The following NAP1L4 variants were observed in gnomAD, a reference collection of about 807,000 sequenced individuals.
NAP1L4 encodes nucleosome assembly protein 1-like 4.
NAP1L4 carries 15 observed loss-of-function variants against 58.2 expected under a neutral mutation model. The ratio of observed to expected loss-of-function variants is 0.26; its 90% CI spans 0.17 to 0.40. NAP1L4 has a LOEUF of 0.40. NAP1L4 is among the 10% of genes least tolerant of loss of function. The pLI is 1.00. For missense variants in NAP1L4, 384 were observed against 451.1 expected, an observed-to-expected ratio of 0.85 and a Z score of 1.35; for synonymous variants, 171 against 155.6, an observed-to-expected ratio of 1.10 and a Z score of -0.74.
At chr11:2,964,221 A>G (rs1847123920) in intron 8 of NAP1L4, among the ~76,000 whole-genome samples, 1 of 152,132 alleles carries the variant, frequency 6.6e-6, no homozygotes, top group South Asian at 2.1e-4. Context: ...CGTTAAACAT[A>G]TACATTAGAT....
Position 2,958,540 on chromosome 11 carries a change from T to G in NAP1L4, c.751A>C (p.Thr251Pro). ...TTCTTTCCTTTCTTCCAGTCAATAG[T>G]ACACCTACCAGGACAAGACAGCTGT... ...GPEIVDCDGC[T>P]IDWKKGKNVT... The change falls in exon 10 of 16, where the codon ACT becomes CCT. Residue 251 changes from threonine (T) to proline (P), a missense_variant. Physicochemically the swap from Thr to Pro is conservative, Grantham distance 38. This residue lies in a region of NAP1L4 where 296 missense variants were observed against 360.8 expected (regional missense o/e 0.82). Transcript: ENST00000380542. 2 of 1,613,444 alleles carry G rather than the reference T, an allele frequency of 1.2e-6. No homozygotes were observed. The highest frequency in any genetic ancestry group is 1.7e-6 in the Non-Finnish European group (2 of 1,179,788).
rs992706299 is a variant in NAP1L4, at chr11:2,945,496, G to A, written c.*183C>T. On this transcript the variant is annotated 3_prime_UTR_variant, in exon 16 of 16. Transcript: ENST00000380542. The stretch of plus-strand genomic sequence containing the variant: ...AAGTGAAAATCATGCACTTGAAAAC[G>A]AGTTAGATGGAGTAAGCTCTGTCCA... 13 of 873,032 alleles carry A rather than the reference G, an allele frequency of 1.5e-5. No individual in the cohort carries two copies. The highest frequency in any genetic ancestry group is 6.1e-5 in the Admixed American group (2 of 32,844). The allele number at this position is 873,032 out of a possible 1,614,324, so 54.1% of individuals were successfully genotyped here.
rs757879151 is a variant in NAP1L4 at position 2,949,262 on chromosome 11, C to T, written c.1125G>A (p.Val375=). The change falls in exon 15 of 16, where the codon GTG becomes GTA. Residue 375 remains valine (V), a splice_region_variant and synonymous_variant. Transcript: ENST00000380542. This position sits in a 1 kb window ranked among gnomAD's most constrained non-coding sequence, Gnocchi z 4.0. ...DEDDAEINPK[V] The stretch of plus-strand genomic sequence containing the variant: ...ATGAATGATTAACAGACAAAAATTA[C>T]ACCTAAATGGGGAAAAAAATTGAAA... 1.9e-5 allele frequency: 31 copies of T among 1,599,018 alleles called. No individual in the cohort carries two copies. The East Asian group carries it at 6.7e-4, about 35-fold the overall frequency.
chr11:2,960,310 C>T (rs994619263), intron 8 of NAP1L4, among the ~76,000 whole-genome samples: 5 of 152,172 alleles, frequency 3.3e-5, no homozygotes, highest in East Asian at 3.9e-4. Flanking sequence ...CCCCAGCCCC[C>T]ACCCTGCTGG....
At chr11:2,986,626 A>AAT (rs556788048) in intron 1 of NAP1L4, among the ~76,000 whole-genome samples, 1 of 139,726 alleles carries the variant, frequency 7.2e-6, no homozygotes, top group African/African-American at 2.7e-5. Context: ...ATGGTAGTAA[A>AAT]TTTTTTTTTT....
intron 1 of NAP1L4, chr11:2,989,334 A>G (rs753849816): frequency 6.6e-6 from 1 of 152,206 alleles, no homozygotes; most frequent in Non-Finnish European, 1.5e-5. Flanking sequence ...CAACAAGCTC[A>G]TCTCTGCTGT....
chr11:2,983,222 C>T (rs1848430924), intron 1 of NAP1L4, among the ~76,000 whole-genome samples: 1 of 152,160 alleles, frequency 6.6e-6, no homozygotes, highest in Admixed American at 6.5e-5. Context: ...TAATAAATAT[C>T]TGTTGAAAGC....
chr11:2,961,690 T>C (rs544127704), intron 8 of NAP1L4, among the ~76,000 whole-genome samples: 99 of 152,142 alleles, frequency 6.5e-4, no homozygotes, highest in African/African-American at 2.2e-3. Context: ...ACTCATTTTT[T>C]CCCCTCCTTT....
intron 8 of NAP1L4, among the ~76,000 whole-genome samples, chr11:2,964,453 G>A (rs909545876): frequency 2.6e-5 from 4 of 152,158 alleles, no homozygotes; most frequent in Admixed American, 2.6e-4. Context: ...CACGACTACA[G>A]TGCCAAGCAT....
chr11:2,975,073 C>T (rs1429239372), intron 4 of NAP1L4, among the ~76,000 whole-genome samples: 3 of 151,634 alleles, frequency 2.0e-5, no homozygotes, highest in African/African-American at 4.9e-5. Context: ...ACTGGGGAAA[C>T]CAGCTGGAAG....
intron 9 of NAP1L4, chr11:2,958,868 GT>G (rs1846702347): frequency 3.6e-6 from 1 of 276,776 alleles, no homozygotes; most frequent in African/African-American, 2.2e-5. Context: ...ACAAGAACTT[GT>G]CCGCGGTTTC....
chr11:2,971,441 G>C lies in NAP1L4; in HGVS notation c.402+7C>G. ...AGAACATGAGTCACATGTTTCTAAA[G>C]ACTTACAGCCAATTTCTCTTCCTCT... On this transcript the variant is annotated splice_region_variant and intron_variant, in intron 6 of 15. Transcript: ENST00000380542. The surrounding 1 kb of genome is among the most constrained non-coding windows in gnomAD (Gnocchi z 4.2). 1 of 1,612,454 alleles carries C rather than the reference G, an allele frequency of 6.2e-7. No homozygotes were observed. Among genetic ancestry groups the C allele is most frequent in the Non-Finnish European group, 8.5e-7 (1 of 1,179,298 alleles).
chr11:2,965,426 G>C (rs1305238305), intron 7 of NAP1L4, among the ~76,000 whole-genome samples: 3 of 152,184 alleles, frequency 2.0e-5, no homozygotes, highest in South Asian at 2.1e-4. Flanking sequence ...TCTAAACACA[G>C]AGAAGGTACA....
intron 10 of NAP1L4, among the ~76,000 whole-genome samples, chr11:2,958,034 ATGCCAGCTGGTGGAGAAG>A (rs1846646552): frequency 6.6e-6 from 1 of 152,222 alleles, no homozygotes; most frequent in East Asian, 1.9e-4. Context: ...CGGGGCAGAA[ATGCCAGCTGGTGGAGAAG>A]GGTGCTCCAG....
In NAP1L4 at chr11:2,971,454, T is replaced by C; in HGVS notation, c.396A>G (p.Lys132=). The stretch of plus-strand genomic sequence containing the variant: ...CATGTTTCTAAAGACTTACAGCCAA[T>C]TTCTCTTCCTCTTCATTTTCACTGT... ...EWHSENEEEE[K]LAGDMKSKVV... Residue 132 remains lysine, a synonymous_variant, in exon 6 of 16, where the codon AAA becomes AAG. Coordinates refer to ENST00000380542, the MANE Select transcript of NAP1L4 (RefSeq NM_005969.4). This position sits in a 1 kb window ranked among gnomAD's most constrained non-coding sequence, Gnocchi z 4.2. 2 of 1,613,642 alleles carry C rather than the reference T, an allele frequency of 1.2e-6. No homozygotes were observed. Among genetic ancestry groups the C allele is most frequent in the Admixed American group, 1.7e-5 (1 of 60,022 alleles).
intron 7 of NAP1L4, 56 bp downstream of exon 7, chr11:2,969,747 T>A (rs1847521700): frequency 6.4e-7 from 1 of 1,550,846 alleles, no homozygotes. Flanking sequence ...ATGCCATAGA[T>A]AAGTAATGTT....
intron 1 of NAP1L4, among the ~76,000 whole-genome samples, chr11:2,979,771 TAAAA>T (rs57640918): frequency 2.0e-5 from 3 of 146,798 alleles, no homozygotes; most frequent in African/African-American, 7.6e-5. Flanking sequence ...AAACTCCATC[TAAAA>T]AAAAAAATAA....
chr11:2,945,590 G>T lies in NAP1L4; in HGVS notation c.*89C>A, dbSNP rs1428616630. 2 of 1,535,862 alleles carry T rather than the reference G, an allele frequency of 1.3e-6. No homozygotes were observed. The highest frequency in any genetic ancestry group is 1.7e-6 in the Non-Finnish European group (2 of 1,146,704). On this transcript the variant is annotated 3_prime_UTR_variant, in exon 16 of 16. Coordinates refer to ENST00000380542, the MANE Select transcript of NAP1L4 (RefSeq NM_005969.4). ...TGGAGTCCCGACAGCCGGTCTGCCAGGCACCCGCCTCCGCTTCCTACTGCT... is the reference window on the plus strand; with the variant it reads ...TGGAGTCCCGACAGCCGGTCTGCCATGCACCCGCCTCCGCTTCCTACTGCT...
intron 3 of NAP1L4, among the ~76,000 whole-genome samples, chr11:2,976,801 G>C (rs533976013): frequency 6.4e-4 from 97 of 152,288 alleles, no homozygotes; most frequent in South Asian, 1.7e-3. Context: ...ATGAGATCCT[G>C]ACAAGGTAGT....
Sources: allele counts gnomAD v4.1 joint callset (sites outside exome capture counted in the v4.1 genomes callset), GRCh38; gene constraint gnomAD v4.1.1; regional missense constraint gnomAD v4.1.1; non-coding constraint Gnocchi (gnomAD v3.1); transcripts MANE v1.5; gene names NCBI Gene and HGNC (gene_info 2026-07-23, HGNC 2026-07-21).